NRG3: variants seen among roughly 807,000 people sequenced by gnomAD.
NRG3 encodes the protein pro-neuregulin-3, membrane-bound isoform.
In NRG3, 31 loss-of-function variants were observed where a neutral mutation model predicts 66.9. The ratio of observed to expected loss-of-function variants is 0.46; its 90% CI spans 0.35 to 0.63. The LOEUF (loss-of-function observed/expected upper bound fraction) is 0.63. NRG3 is among the 20% of genes least tolerant of loss of function. The probability of loss-of-function intolerance (pLI) is 0.00; values close to 1 mark genes in which losing one functional copy is unlikely to be tolerated. For synonymous variants in NRG3, 393 were observed against 359.4 expected, an observed-to-expected ratio of 1.09 and a Z score of -1.06; for missense variants, 910 against 878.9, an observed-to-expected ratio of 1.04 and a Z score of -0.45.
intron 1 of NRG3, among the ~76,000 whole-genome samples, chr10:82,142,648 C>A (rs139141854): frequency 6.6e-6 from 1 of 151,528 alleles, no homozygotes; most frequent in Non-Finnish European, 1.5e-5. Context: ...AAGACAGTTA[C>A]GATAGAAAAT....
intron 1 of NRG3, among the ~76,000 whole-genome samples, chr10:82,286,075 T>G (rs933742403): frequency 6.6e-6 from 1 of 152,140 alleles, no homozygotes; most frequent in Non-Finnish European, 1.5e-5. Flanking sequence ...AAGAACTAAA[T>G]CCACCTGTGT....
At chr10:82,780,413 A>G (rs1293689912) in intron 3 of NRG3, among the ~76,000 whole-genome samples, 1 of 150,384 alleles carries the variant, frequency 6.6e-6, no homozygotes, top group African/African-American at 2.4e-5. Flanking sequence ...TTGTTGAAGA[A>G]CTTTTGTTGA....
intron 2 of NRG3, among the ~76,000 whole-genome samples, chr10:82,611,733 G>A (rs1390167029): frequency 1.3e-5 from 2 of 152,146 alleles, no homozygotes; most frequent in Admixed American, 1.3e-4. Flanking sequence ...AAACATACAT[G>A]TGCATGTGTC....
chr10:82,497,072 G>A (rs371855008), intron 2 of NRG3, among the ~76,000 whole-genome samples: 1 of 152,168 alleles, frequency 6.6e-6, no homozygotes, highest in Non-Finnish European at 1.5e-5. Flanking sequence ...CTGGGTAAAA[G>A]CGTCAGGTTT....
At chr10:81,877,157 T>C (rs1228696549) in intron 1 of NRG3, among the ~76,000 whole-genome samples, 1 of 152,204 alleles carries the variant, frequency 6.6e-6, no homozygotes, top group Non-Finnish European at 1.5e-5. Context: ...GCTTTCTGTT[T>C]ATTTGTATAG....
chr10:82,427,126 A>G (rs1322261472), intron 2 of NRG3, among the ~76,000 whole-genome samples: 1 of 152,166 alleles, frequency 6.6e-6, no homozygotes, highest in Non-Finnish European at 1.5e-5. Context: ...AGATAATATC[A>G]TCTTCAAATA....
intron 2 of NRG3, among the ~76,000 whole-genome samples, chr10:82,634,336 CAT>C (rs1411822002): frequency 1.3e-5 from 2 of 152,072 alleles, no homozygotes; most frequent in Admixed American, 6.5e-5. Flanking sequence ...TACATGTACA[CAT>C]GTGTTTATGT....
intron 2 of NRG3, among the ~76,000 whole-genome samples, chr10:82,540,400 A>G (rs1466337912): frequency 6.6e-6 from 1 of 151,578 alleles, no homozygotes; most frequent in African/African-American, 2.4e-5. Flanking sequence ...TTCTTTGAGA[A>G]TAATTCAGGC....
intron 1 of NRG3, among the ~76,000 whole-genome samples, chr10:81,943,107 G>T (rs997418498): frequency 6.6e-6 from 1 of 152,080 alleles, no homozygotes; most frequent in Non-Finnish European, 1.5e-5. Flanking sequence ...TGCATTAATT[G>T]CTGGGCATGG....
intron 1 of NRG3, among the ~76,000 whole-genome samples, chr10:82,231,865 A>C (rs1005177161): frequency 5.9e-5 from 9 of 152,202 alleles, no homozygotes; most frequent in African/African-American, 2.2e-4. Context: ...TTAGTTAAAC[A>C]GTTTTCTCTT....
intron 3 of NRG3, among the ~76,000 whole-genome samples, chr10:82,817,995 G>A (rs920488201): frequency 1.3e-5 from 2 of 152,244 alleles, no homozygotes; most frequent in Non-Finnish European, 2.9e-5. Context: ...TACTTAAGCA[G>A]CAGTGTTTAT....
intron 2 of NRG3, among the ~76,000 whole-genome samples, chr10:82,611,043 T>C (rs2048283244): frequency 6.6e-6 from 1 of 152,074 alleles, no homozygotes; most frequent in South Asian, 2.1e-4. Flanking sequence ...CTATCTAGAA[T>C]GAATATTCTA....
intron 1 of NRG3, among the ~76,000 whole-genome samples, chr10:82,181,892 C>T (rs2073446821): frequency 6.6e-6 from 1 of 151,674 alleles, no homozygotes; most frequent in Admixed American, 6.6e-5. Context: ...GTATTTCTCC[C>T]TTCAGTTCTG....
intron 2 of NRG3, among the ~76,000 whole-genome samples, chr10:82,725,807 C>T (rs2057564669): frequency 6.6e-6 from 1 of 152,132 alleles, no homozygotes; most frequent in Non-Finnish European, 1.5e-5. Flanking sequence ...GGCAACACTA[C>T]ATATAGTAGA....
intron 2 of NRG3, among the ~76,000 whole-genome samples, chr10:82,609,040 T>C (rs914960806): frequency 1.1e-4 from 16 of 152,172 alleles, no homozygotes; most frequent in Non-Finnish European, 5.9e-5. Context: ...CTGTACATCA[T>C]TATATAATAA....
At chr10:82,314,668 G>A (rs778986882) in intron 1 of NRG3, among the ~76,000 whole-genome samples, 8 of 152,006 alleles carry the variant, frequency 5.3e-5, no homozygotes, top group Non-Finnish European at 1.0e-4. Flanking sequence ...AAATTAGCCG[G>A]GCATGGTGGC....
intron 1 of NRG3, among the ~76,000 whole-genome samples, chr10:82,121,912 A>G (rs1193228428): frequency 6.6e-6 from 1 of 152,180 alleles, no homozygotes; most frequent in Non-Finnish European, 1.5e-5. Flanking sequence ...TGCTAGGATT[A>G]TAGGCATGAG....
At chr10:82,161,886 C>T (rs2071630739) in intron 1 of NRG3, among the ~76,000 whole-genome samples, 1 of 152,118 alleles carries the variant, frequency 6.6e-6, no homozygotes, top group Admixed American at 6.6e-5. Flanking sequence ...AGATTCACTC[C>T]ATTGCTTCTT....
chr10:82,172,452 C>T (rs1170416281), intron 1 of NRG3, among the ~76,000 whole-genome samples: 1 of 151,982 alleles, frequency 6.6e-6, no homozygotes, highest in Non-Finnish European at 1.5e-5. Context: ...GATGGTTTGG[C>T]GAAATGTTTG....
Sources: allele counts gnomAD v4.1 joint callset (sites outside exome capture counted in the v4.1 genomes callset), GRCh38; gene constraint gnomAD v4.1.1; transcripts MANE v1.5; gene names NCBI Gene and HGNC (gene_info 2026-07-23, HGNC 2026-07-21).